Variants in DIAPH2 observed in about 807,000 individuals in gnomAD.
DIAPH2 encodes the protein protein diaphanous homolog 2.
Under a neutral mutation model 92.7 loss-of-function variants are expected in DIAPH2, and 35 were observed. That is an observed-to-expected ratio of 0.38 (90% CI 0.29 to 0.50). The LOEUF is 0.50. DIAPH2 is among the 20% of genes least tolerant of loss of function. The probability of loss-of-function intolerance (pLI) is 0.94; values close to 1 mark genes in which losing one functional copy is unlikely to be tolerated. For synonymous variants in DIAPH2, 301 were observed against 280.4 expected (o/e 1.07, Z -0.73); for missense variants, 701 against 819.5 (o/e 0.86, Z 1.77).
At chrX:97,301,021 T>A (rs1177358564) in intron 23 of DIAPH2, among the ~76,000 whole-genome samples, 1 of 68,743 alleles carries the variant, frequency 1.5e-5, no homozygotes, top group Admixed American at 1.8e-4. Flanking sequence ...TTTAAGTAAT[T>A]GGCCGGGCGC....
chrX:96,957,082 G>A (rs763553490), intron 15 of DIAPH2, among the ~76,000 whole-genome samples: 11 of 112,368 alleles, frequency 9.8e-5, no homozygotes, highest in African/African-American at 1.9e-4. Context: ...GTGCAGTGGC[G>A]TGAGCTCAGC....
chrX:97,036,105 A>T (rs922112088), intron 17 of DIAPH2, among the ~76,000 whole-genome samples: 1 of 111,630 alleles, frequency 9.0e-6, no homozygotes, highest in African/African-American at 3.3e-5. Context: ...TTCTAATTTG[A>T]GGTTTGAAAT....
chrX:96,746,074 TA>T (rs1363740960), intron 3 of DIAPH2, among the ~76,000 whole-genome samples: 1 of 110,795 alleles, frequency 9.0e-6, no homozygotes, highest in Non-Finnish European at 1.9e-5. Flanking sequence ...TTTTTTTGTT[TA>T]TTTTTTGTGG....
intron 17 of DIAPH2, among the ~76,000 whole-genome samples, chrX:97,043,148 C>T (rs773561964): frequency 1.5e-4 from 17 of 111,521 alleles, no homozygotes; most frequent in Non-Finnish European, 2.6e-4. Context: ...TGAGTGAATA[C>T]CTTTCTGTGA....
intron 24 of DIAPH2, among the ~76,000 whole-genome samples, chrX:97,366,281 T>C (rs914027544): frequency 7.2e-5 from 8 of 111,841 alleles, no homozygotes; most frequent in Non-Finnish European, 1.1e-4. Flanking sequence ...GCCTCTCTCT[T>C]TCTCTCTGCC....
intron 11 of DIAPH2, among the ~76,000 whole-genome samples, chrX:96,938,667 T>G (rs957369897): frequency 2.7e-5 from 3 of 112,385 alleles, no homozygotes; most frequent in Non-Finnish European, 5.6e-5. Context: ...TTGTGAAATC[T>G]GATTTCTAGT....
At chrX:96,888,810 G>A (rs1024139740) in intron 5 of DIAPH2, among the ~76,000 whole-genome samples, 1 of 108,663 alleles carries the variant, frequency 9.2e-6, no homozygotes, top group African/African-American at 3.3e-5. Context: ...GCTCAGAGAG[G>A]TTAAGTAATT....
At chrX:96,706,363 G>A (rs1334939401) in intron 1 of DIAPH2, among the ~76,000 whole-genome samples, 1 of 112,138 alleles carries the variant, frequency 8.9e-6, no homozygotes, top group African/African-American at 3.2e-5. Context: ...TAGAGGTTAA[G>A]AACTACACAG....
intron 23 of DIAPH2, among the ~76,000 whole-genome samples, chrX:97,274,796 G>T (rs772356255): frequency 9.0e-6 from 1 of 110,557 alleles, no homozygotes; most frequent in Admixed American, 9.7e-5. Flanking sequence ...GTGGCCTACC[G>T]CAGTGTTTGT....
At chrX:97,122,693 G>C (rs985160624) in intron 21 of DIAPH2, among the ~76,000 whole-genome samples, 1 of 111,712 alleles carries the variant, frequency 9.0e-6, no homozygotes, top group Admixed American at 9.5e-5. Context: ...GTTATAATTT[G>C]TCTTGAAAAA....
At chrX:97,143,234 CAT>C (rs1183339490) in intron 22 of DIAPH2, among the ~76,000 whole-genome samples, 6 of 110,966 alleles carry the variant, frequency 5.4e-5, no homozygotes, top group East Asian at 5.6e-4. Context: ...TATTTACTAA[CAT>C]GTGGCTAATG....
intron 17 of DIAPH2, among the ~76,000 whole-genome samples, chrX:96,966,268 GA>G (rs1462191704): frequency 9.0e-6 from 1 of 111,196 alleles, no homozygotes; most frequent in Non-Finnish European, 1.9e-5. Context: ...TTTCTCATTT[GA>G]TATCGCAGAC....
intron 22 of DIAPH2, among the ~76,000 whole-genome samples, chrX:97,170,811 A>T (rs773756768): frequency 9.0e-6 from 1 of 111,384 alleles, no homozygotes; most frequent in Non-Finnish European, 1.9e-5. Context: ...TTATAAATTC[A>T]TTTTCTAAAC....
chrX:97,048,268 C>T (rs2066497920), intron 17 of DIAPH2, among the ~76,000 whole-genome samples: 1 of 110,875 alleles, frequency 9.0e-6, no homozygotes, highest in African/African-American at 3.3e-5. Flanking sequence ...TCTATTTCTT[C>T]TTCAGCCTCA....
rs185948938 is a variant in DIAPH2, at chrX:97,216,710, C to T, written c.2720-31005C>T. ...TTGTATGATCCTGACAGAAGAATTACGTGATATAGGTAAAATATACCCATC... is the reference window on the plus strand; with the variant it reads ...TTGTATGATCCTGACAGAAGAATTATGTGATATAGGTAAAATATACCCATC... On this transcript the variant is annotated intron_variant, in intron 22 of 26. Coordinates refer to ENST00000324765, the MANE Select transcript of DIAPH2 (RefSeq NM_006729.5). Among the ~76,000 whole-genome samples the T allele has an allele frequency of 8.6e-3, 960 of 111,847 alleles. 7 individuals carry two copies. Among genetic ancestry groups the T allele is most frequent in the Middle Eastern group, 0.037 (8 of 214 alleles).
rs887584825 is a variant in DIAPH2 at position 97,003,472 on chromosome X, G to C, written c.2050+38265G>C. On this transcript the variant is annotated intron_variant, in intron 17 of 26. Transcript: ENST00000324765. Reference sequence around the variant, plus strand: ...CACATCCTCTCCAGCATTTGTTATTGCCTGTCTTTCAGATGAAAGCCATTT... The same window carrying C: ...CACATCCTCTCCAGCATTTGTTATTCCCTGTCTTTCAGATGAAAGCCATTT... Among the ~76,000 whole-genome samples, 7 of 111,857 alleles carry C rather than the reference G, an allele frequency of 6.3e-5. No homozygotes were observed. In the East Asian group the frequency reaches 1.7e-3, roughly 27 times the overall value.
At chrX:97,122,796 G>T (rs999351235) in intron 21 of DIAPH2, among the ~76,000 whole-genome samples, 1 of 111,016 alleles carries the variant, frequency 9.0e-6, no homozygotes, top group African/African-American at 3.3e-5. Context: ...TTCTCCTTGG[G>T]GGTCCTTTAA....
At chrX:97,448,027 T>C (rs923538102) in intron 26 of DIAPH2, among the ~76,000 whole-genome samples, 14 of 112,536 alleles carry the variant, frequency 1.2e-4, no homozygotes, top group African/African-American at 4.5e-4. Context: ...TCTAAAAATA[T>C]TAGTTGAGAA....
At chrX:97,570,059 G>A (rs2071353484) in intron 26 of DIAPH2, among the ~76,000 whole-genome samples, 1 of 66,709 alleles carries the variant, frequency 1.5e-5, no homozygotes, top group African/African-American at 5.8e-5. Flanking sequence ...TATTATACAA[G>A]TTCATAAGGC....
Sources: gnomAD v4.1 joint callset for allele counts (sites outside exome capture counted in the v4.1 genomes callset) on GRCh38, gnomAD v4.1.1 for gene constraint, MANE v1.5 for transcripts, NCBI Gene and HGNC (gene_info 2026-07-23, HGNC 2026-07-21) for gene names.